Variants in CSNK1G1 observed in about 807,000 individuals in gnomAD.
The protein encoded by CSNK1G1 is casein kinase 1 gamma 1.
In CSNK1G1, 22 loss-of-function variants were observed where a neutral mutation model predicts 59.6. The ratio of observed to expected loss-of-function variants is 0.37; its 90% CI spans 0.26 to 0.53. CSNK1G1 has a LOEUF of 0.53. Ranked by LOEUF, CSNK1G1 falls within the 20% of genes least tolerant of loss-of-function variation. CSNK1G1 has a pLI of 0.89. For synonymous variants in CSNK1G1, 179 were observed against 177.1 expected, an observed-to-expected ratio of 1.01 and a Z score of -0.08; for missense variants, 384 against 519.5, an observed-to-expected ratio of 0.74 and a Z score of 2.54.
intron 4 of CSNK1G1, among the ~76,000 whole-genome samples, chr15:64,221,849 A>G (rs577415966): frequency 1.2e-4 from 19 of 152,158 alleles, no homozygotes; most frequent in Non-Finnish European, 2.5e-4. Context: ...TAGTTCAACC[A>G]TTGTGGAAGA....
chr15:64,276,500 C>A (rs755475645), intron 2 of CSNK1G1, among the ~76,000 whole-genome samples: 1 of 151,772 alleles, frequency 6.6e-6, no homozygotes, highest in Non-Finnish European at 1.5e-5. Flanking sequence ...TCAGAACAGA[C>A]GGATCATTTA....
At chr15:64,260,564 C>T (rs986830970) in intron 2 of CSNK1G1, among the ~76,000 whole-genome samples, 3 of 151,478 alleles carry the variant, frequency 2.0e-5, no homozygotes, top group African/African-American at 7.3e-5. Flanking sequence ...ATGGTGAAAC[C>T]CTGTCTCTAC....
At chr15:64,345,640 A>AT (rs1897913423) in intron 1 of CSNK1G1, among the ~76,000 whole-genome samples, 1 of 152,110 alleles carries the variant, frequency 6.6e-6, no homozygotes, top group Admixed American at 6.5e-5. Flanking sequence ...CCTAAAATCA[A>AT]TCTTCTTGAA....
chr15:64,323,146 T>C (rs1436302727), intron 1 of CSNK1G1, among the ~76,000 whole-genome samples: 3 of 152,046 alleles, frequency 2.0e-5, no homozygotes, highest in African/African-American at 7.2e-5. Context: ...AGGCTGGTCT[T>C]GAACTCCTGG....
intron 2 of CSNK1G1, among the ~76,000 whole-genome samples, chr15:64,287,554 C>A (rs1223897566): frequency 6.6e-6 from 1 of 152,120 alleles, no homozygotes; most frequent in East Asian, 1.9e-4. Flanking sequence ...TTAGCTGCCC[C>A]ACCCAAAGCA....
At chr15:64,333,433 C>CAAAAA (rs59451869) in intron 1 of CSNK1G1, among the ~76,000 whole-genome samples, 2,295 of 23,076 alleles carry the variant, frequency 0.099, 1,065 homozygotes, top group South Asian at 0.22. Flanking sequence ...GACACCATCT[C>CAAAAA]AAAAAAAAAA....
chr15:64,259,483 T>TACACACACACACACAC (rs59936401), intron 2 of CSNK1G1, among the ~76,000 whole-genome samples: 56 of 139,816 alleles, frequency 4.0e-4, no homozygotes, highest in East Asian at 2.5e-3. Context: ...AAATCTCTCT[T>TACACACACACACACAC]ACACACACAC....
intron 4 of CSNK1G1, among the ~76,000 whole-genome samples, chr15:64,220,500 T>TC (rs1177632604): frequency 6.7e-6 from 1 of 148,298 alleles, no homozygotes; most frequent in East Asian, 1.9e-4. Flanking sequence ...AGTGTATAAC[T>TC]CTTTTTTTTT....
intron 2 of CSNK1G1, among the ~76,000 whole-genome samples, chr15:64,289,057 C>T (rs1894588012): frequency 6.6e-6 from 1 of 151,850 alleles, no homozygotes; most frequent in Non-Finnish European, 1.5e-5. Context: ...CGCCTGTAAC[C>T]CCAGCCACTC....
chr15:64,293,095 A>T (rs926727854), intron 2 of CSNK1G1, among the ~76,000 whole-genome samples: 4 of 152,198 alleles, frequency 2.6e-5, no homozygotes, highest in African/African-American at 9.6e-5. Context: ...CAGAAGGCTC[A>T]AAACTTTAAA....
intron 4 of CSNK1G1, among the ~76,000 whole-genome samples, chr15:64,224,580 A>G (rs371298057): frequency 6.6e-6 from 1 of 152,232 alleles, no homozygotes; most frequent in African/African-American, 2.4e-5. Context: ...TCTTTGCAAC[A>G]TGAACCAGTT....
At chr15:64,313,161 A>G (rs1409278185) in intron 1 of CSNK1G1, among the ~76,000 whole-genome samples, 1 of 152,226 alleles carries the variant, frequency 6.6e-6, no homozygotes, top group Non-Finnish European at 1.5e-5. Context: ...GGGAGTGTAC[A>G]TTAGTTCAAC....
intron 10 of CSNK1G1, among the ~76,000 whole-genome samples, chr15:64,191,023 C>T (rs547984216): frequency 6.6e-6 from 1 of 152,210 alleles, no homozygotes; most frequent in Admixed American, 6.5e-5. Context: ...AATGCAATTA[C>T]ATCTCATGAA....
At chr15:64,180,739 G>A (rs1477251247) in intron 10 of CSNK1G1, among the ~76,000 whole-genome samples, 1 of 152,106 alleles carries the variant, frequency 6.6e-6, no homozygotes, top group Non-Finnish European at 1.5e-5. Flanking sequence ...TTATGAAATA[G>A]GTTTTTTTAC....
At chr15:64,345,670 A>T (rs1478167460) in intron 1 of CSNK1G1, among the ~76,000 whole-genome samples, 1 of 152,240 alleles carries the variant, frequency 6.6e-6, no homozygotes, top group Non-Finnish European at 1.5e-5. Flanking sequence ...CACACTCTGA[A>T]CAATGCTTCT....
chr15:64,181,322 T>C, intron 10 of CSNK1G1: 1 of 1,536,074 alleles, frequency 6.5e-7, no homozygotes, highest in Non-Finnish European at 8.7e-7. Flanking sequence ...TAGCTGCTTC[T>C]GCCACCTGGT....
intron 2 of CSNK1G1, among the ~76,000 whole-genome samples, chr15:64,286,376 T>TG (rs1412249769): frequency 6.6e-6 from 1 of 151,640 alleles, no homozygotes; most frequent in African/African-American, 2.4e-5. Flanking sequence ...GTTAACAATA[T>TG]TGTTAACAAT....
intron 10 of CSNK1G1, among the ~76,000 whole-genome samples, chr15:64,196,813 C>G (rs2082044845): frequency 6.6e-6 from 1 of 151,436 alleles, no homozygotes; most frequent in Non-Finnish European, 1.5e-5. Context: ...TTTTAAACAC[C>G]CCTCCCCTTG....
At chr15:64,337,497 AC>A (rs1389440164) in intron 1 of CSNK1G1, among the ~76,000 whole-genome samples, 1 of 151,978 alleles carries the variant, frequency 6.6e-6, no homozygotes, top group Non-Finnish European at 1.5e-5. Context: ...TACAGGTACC[AC>A]CATGCCTATT....
Sources: gnomAD v4.1 joint callset for allele counts (sites outside exome capture counted in the v4.1 genomes callset) on GRCh38, gnomAD v4.1.1 for gene constraint, MANE v1.5 for transcripts, NCBI Gene and HGNC (gene_info 2026-07-23, HGNC 2026-07-21) for gene names.